Variants in RFX2 observed in about 807,000 individuals in gnomAD.
RFX2 encodes the protein regulatory factor X2.
RFX2 carries 20 observed loss-of-function variants against 87.8 expected under a neutral mutation model. The ratio of observed to expected loss-of-function variants is 0.23; its 90% confidence interval spans 0.16 to 0.33. The LOEUF (loss-of-function observed/expected upper bound fraction) is 0.33. Among genes scored for constraint, RFX2 ranks in the 10% least tolerant of loss-of-function variants. RFX2 has a pLI of 1.00. For synonymous variants in RFX2, 397 were observed against 431.3 expected (o/e 0.92, Z 0.98); for missense variants, 767 against 1,012.3 (o/e 0.76, Z 3.29).
At chr19:6,006,800 C>G (rs1361147558) in intron 12 of RFX2, among the ~76,000 whole-genome samples, 1 of 151,546 alleles carries the variant, frequency 6.6e-6, no homozygotes, top group Non-Finnish European at 1.5e-5. Context: ...ACTATGCTGC[C>G]CAGGCTGGTC....
In RFX2 at chr19:6,001,741, C is replaced by T; in HGVS notation, c.1859+74G>A. On this transcript the variant is annotated intron_variant, in intron 15 of 17. Transcript: ENST00000303657. The surrounding 1 kb of genome is among the most constrained non-coding windows in gnomAD (Gnocchi z 5.6). ...TTTTGCTCTGAGCTCACCAGCCGAG[C>T]CCCCTACCCTCTAGAAGTTTCTCTC... 2 of 1,335,670 alleles carry T rather than the reference C, an allele frequency of 1.5e-6. No individual in the cohort carries two copies. The allele number at this position is 1,335,670 out of a possible 1,614,324, so 82.7% of individuals were successfully genotyped here.
At chr19:6,036,245 G>A (rs2087021085) in intron 5 of RFX2, among the ~76,000 whole-genome samples, 1 of 152,212 alleles carries the variant, frequency 6.6e-6, no homozygotes, top group African/African-American at 2.4e-5. Flanking sequence ...GGGCTGCCTG[G>A]CCTGGGGTGC....
chr19:6,035,705 T>C (rs1162370996), intron 5 of RFX2, among the ~76,000 whole-genome samples: 1 of 152,162 alleles, frequency 6.6e-6, no homozygotes, highest in East Asian at 1.9e-4. Context: ...TGGTTGTTCT[T>C]GGCTCTTGGA....
rs1181438181 is a variant in RFX2 at position 6,061,885 on chromosome 19, A to G, written c.-8-14381T>C. 6.6e-6 allele frequency among the ~76,000 whole-genome samples: 1 copy of G among 152,106 alleles called. No homozygotes were observed. Among genetic ancestry groups the G allele is most frequent in the Non-Finnish European group, 1.5e-5 (1 of 68,026 alleles). On this transcript the variant is annotated intron_variant, in intron 1 of 17. Transcript: ENST00000303657. The surrounding 1 kb of genome is among the most constrained non-coding windows in gnomAD (Gnocchi z 5.2). ...GAGTGTGGATCCCAGCAGGTGCCTGATCAATGAAATATGTCCTAGGCAGGG... is the reference window on the plus strand; with the variant it reads ...GAGTGTGGATCCCAGCAGGTGCCTGGTCAATGAAATATGTCCTAGGCAGGG...
chr19:6,084,628 T>A (rs973428819), intron 1 of RFX2, among the ~76,000 whole-genome samples: 5 of 131,932 alleles, frequency 3.8e-5, no homozygotes, highest in Non-Finnish European at 6.1e-5. Context: ...TGTCCTTTTT[T>A]TTCTTTCTTT....
intron 1 of RFX2, chr19:6,057,065 G>T (rs2087354444): frequency 6.6e-6 from 1 of 152,278 alleles, no homozygotes; most frequent in Non-Finnish European, 1.5e-5. Flanking sequence ...CACAGAACCA[G>T]CGGCGCAATT....
At chr19:6,065,137 T>C (rs2087491443) in intron 1 of RFX2, among the ~76,000 whole-genome samples, 1 of 152,192 alleles carries the variant, frequency 6.6e-6, no homozygotes, top group African/African-American at 2.4e-5. Context: ...TTGTAGAAGG[T>C]AGAACAGCAT....
At position 6,026,048 on chromosome 19, in the gene RFX2, G is replaced by T; in HGVS notation, c.597+115C>A. On this transcript the variant is annotated intron_variant, in intron 6 of 17. Transcript: ENST00000303657. The surrounding 1 kb of genome is among the most constrained non-coding windows in gnomAD (Gnocchi z 4.5). The stretch of plus-strand genomic sequence containing the variant: ...GATCCACCCGCCTTGGCCTCCCAAA[G>T]TGCTGGGATTACAGGTGTGAGCCAC... 1.2e-6 allele frequency: 1 copy of T among 845,252 alleles called. No homozygotes were observed. Among genetic ancestry groups the T allele is most frequent in the Non-Finnish European group, 1.9e-6 (1 of 513,760 alleles). 52.4% of individuals were successfully genotyped at this position (845,252 alleles called of 1,614,324 possible).
At position 6,039,540 on chromosome 19, in the gene RFX2, C is replaced by T. The variant is rs955401057; in HGVS notation, c.522+440G>A. Among the ~76,000 whole-genome samples, 17 of 152,202 alleles carry T rather than the reference C, an allele frequency of 1.1e-4. No individual in the cohort carries two copies. Among genetic ancestry groups the T allele is most frequent in the Admixed American group, 1.0e-3 (16 of 15,284 alleles). The stretch of plus-strand genomic sequence containing the variant: ...AAGCAGATAAGTCGTTATTTTGCAT[C>T]GGGGCATGGCAGCGAGAACTCGGCA... On this transcript the variant is annotated intron_variant, in intron 5 of 17. Transcript: ENST00000303657. The surrounding 1 kb of genome is among the most constrained non-coding windows in gnomAD (Gnocchi z 5.2).
intron 2 of RFX2, among the ~76,000 whole-genome samples, chr19:6,046,900 A>G (rs1265002566): frequency 2.0e-5 from 3 of 150,652 alleles, no homozygotes; most frequent in Non-Finnish European, 4.4e-5. Flanking sequence ...AGGAACTGGG[A>G]CTACAGGTGC....
Position 6,021,796 on chromosome 19 carries a change from C to T in RFX2, c.597+4367G>A, listed in dbSNP as rs1335226128. Among the ~76,000 whole-genome samples, 1 of 152,214 alleles carries T rather than the reference C, an allele frequency of 6.6e-6. No individual in the cohort carries two copies. The highest frequency in any genetic ancestry group is 1.5e-5 in the Non-Finnish European group (1 of 68,026). On this transcript the variant is annotated intron_variant, in intron 6 of 17. Coordinates refer to ENST00000303657, the MANE Select transcript of RFX2 (RefSeq NM_000635.4). The surrounding 1 kb of genome is among the most constrained non-coding windows in gnomAD (Gnocchi z 5.7). ...AAGGGGAGCCCTGGAGGCTTCCAAG[C>T]AGAGCAGTGTGGCGATCTGACCTGG...
chr19:6,057,610 C>T (rs1266797637), intron 1 of RFX2, among the ~76,000 whole-genome samples: 1 of 152,158 alleles, frequency 6.6e-6, no homozygotes, highest in Non-Finnish European at 1.5e-5. Flanking sequence ...GCTGATGAGC[C>T]TCGGTGTTTG....
At position 6,024,026 on chromosome 19, in the gene RFX2, C is replaced by A. The variant is rs187652638; in HGVS notation, c.597+2137G>T. Among the ~76,000 whole-genome samples the A allele has an allele frequency of 1.4e-4, 22 of 152,270 alleles. No homozygotes were observed. The East Asian group carries it at 2.1e-3, about 15-fold the overall frequency. On this transcript the variant is annotated intron_variant, in intron 6 of 17. Coordinates refer to ENST00000303657, the MANE Select transcript of RFX2 (RefSeq NM_000635.4). The surrounding 1 kb of genome is among the most constrained non-coding windows in gnomAD (Gnocchi z 5.0). ...AACTCCTGACCTCAAGTGGTACACC[C>A]GCCTTGGTCTCCCAAACTGCTGGGA...
At chr19:6,073,836 G>A (rs1237891185) in intron 1 of RFX2, among the ~76,000 whole-genome samples, 2 of 152,138 alleles carry the variant, frequency 1.3e-5, no homozygotes, top group Non-Finnish European at 2.9e-5. Context: ...CTCCTCTTCC[G>A]GGAGTCTGAG....
chr19:6,073,582 A>AAGAT, intron 1 of RFX2: 1 of 355,188 alleles, frequency 2.8e-6, no homozygotes, highest in Non-Finnish European at 5.1e-6. Context: ...AAACTGCAAA[A>AAGAT]AGATATATAA....
intron 1 of RFX2, among the ~76,000 whole-genome samples, chr19:6,092,559 G>A (rs2087952324): frequency 6.6e-6 from 1 of 152,228 alleles, no homozygotes; most frequent in Admixed American, 6.5e-5. Flanking sequence ...AGGGCGACAA[G>A]CATGAGCTTG....
rs187845457 is a variant in RFX2 at position 6,024,687 on chromosome 19, G to A, written c.597+1476C>T. The stretch of plus-strand genomic sequence containing the variant: ...TTGATAACGCCTCATTTTACACATC[G>A]GCCAGCACAGAAGTCAGGATGGAAT... On this transcript the variant is annotated intron_variant, in intron 6 of 17. Transcript: ENST00000303657. This position sits in a 1 kb window ranked among gnomAD's most constrained non-coding sequence, Gnocchi z 5.0. Among the ~76,000 whole-genome samples the A allele has an allele frequency of 1.3e-3, 192 of 152,154 alleles. No homozygotes were observed. The highest frequency in any genetic ancestry group is 5.8e-3 in the East Asian group (30 of 5,168).
chr19:6,039,182 C>A lies in RFX2; in HGVS notation c.522+798G>T, dbSNP rs1054977987. On this transcript the variant is annotated intron_variant, in intron 5 of 17. Coordinates refer to ENST00000303657, the MANE Select transcript of RFX2 (RefSeq NM_000635.4). This position sits in a 1 kb window ranked among gnomAD's most constrained non-coding sequence, Gnocchi z 5.2. ...GCAACTTGACTGAATCTCAAAGGCA[C>A]CAGAATGAGTAAAAGAAGCCTGTCT... Among the ~76,000 whole-genome samples the A allele has an allele frequency of 2.6e-5, 4 of 152,288 alleles. No individual in the cohort carries two copies. Among genetic ancestry groups the A allele is most frequent in the South Asian group, 2.1e-4 (1 of 4,830 alleles).
intron 5 of RFX2, among the ~76,000 whole-genome samples, chr19:6,037,256 C>T (rs1002371364): frequency 1.3e-5 from 2 of 150,164 alleles, no homozygotes; most frequent in Non-Finnish European, 3.0e-5. Context: ...TGCACTCCAG[C>T]CTGGGCGACA....
Sources: gnomAD v4.1 joint callset for allele counts (sites outside exome capture counted in the v4.1 genomes callset) on GRCh38, gnomAD v4.1.1 for gene constraint, Gnocchi (gnomAD v3.1) non-coding constraint, MANE v1.5 for transcripts, NCBI Gene and HGNC (gene_info 2026-07-23, HGNC 2026-07-21) for gene names.